MYO3B: variants seen among roughly 807,000 people sequenced by gnomAD.
MYO3B encodes myosin-IIIb.
MYO3B carries 156 observed loss-of-function variants against 174.6 expected under a neutral mutation model. The ratio of observed to expected loss-of-function variants is 0.89; its 90% confidence interval spans 0.78 to 1.02. The LOEUF is 1.02. Among genes scored for constraint, MYO3B ranks in the 50% least tolerant of loss-of-function variants. The pLI is 0.00. For missense variants in MYO3B, 1,632 were observed against 1,639.4 expected, an observed-to-expected ratio of 1.00 and a Z score of 0.08; for synonymous variants, 563 against 569.1, an observed-to-expected ratio of 0.99 and a Z score of 0.15.
intron 1 of MYO3B, among the ~76,000 whole-genome samples, chr2:170,183,728 T>C (rs550144442): frequency 6.6e-6 from 1 of 152,242 alleles, no homozygotes; most frequent in South Asian, 2.1e-4. Flanking sequence ...TTTTATAGTG[T>C]TTGTGAGAGA....
intron 7 of MYO3B, among the ~76,000 whole-genome samples, chr2:170,318,052 G>A (rs945661380): frequency 3.9e-5 from 6 of 152,080 alleles, no homozygotes; most frequent in South Asian, 2.1e-4. Flanking sequence ...TTGTTTTCTC[G>A]TCTGTGAAAT....
intron 8 of MYO3B, among the ~76,000 whole-genome samples, chr2:170,336,985 CA>C (rs1462491344): frequency 1.3e-5 from 2 of 151,254 alleles, no homozygotes; most frequent in African/African-American, 2.4e-5. Flanking sequence ...AGTTGAAGGT[CA>C]GGGGTGGAGG....
chr2:170,451,454 T>A (rs897916421), intron 23 of MYO3B, among the ~76,000 whole-genome samples: 2 of 152,278 alleles, frequency 1.3e-5, no homozygotes, highest in Non-Finnish European at 2.9e-5. Flanking sequence ...TAAAGCATTT[T>A]AACAAACCTA....
At chr2:170,216,370 TAAG>T (rs1429002068) in intron 5 of MYO3B, among the ~76,000 whole-genome samples, 1 of 152,216 alleles carries the variant, frequency 6.6e-6, no homozygotes, top group East Asian at 1.9e-4. Context: ...TATTTGGTCT[TAAG>T]AAGAACCCTC....
At chr2:170,633,923 C>A (rs745456453) in intron 32 of MYO3B, among the ~76,000 whole-genome samples, 1 of 152,230 alleles carries the variant, frequency 6.6e-6, no homozygotes, top group East Asian at 1.9e-4. Flanking sequence ...TGTGAAGGAC[C>A]TCTTCAAGGA....
intron 7 of MYO3B, among the ~76,000 whole-genome samples, chr2:170,254,218 T>A (rs901821790): frequency 6.6e-6 from 1 of 152,034 alleles, no homozygotes; most frequent in Non-Finnish European, 1.5e-5. Flanking sequence ...ATGATCCCTA[T>A]AGACATTTAG....
chr2:170,577,548 C>G (rs1692857722), intron 32 of MYO3B, among the ~76,000 whole-genome samples: 1 of 152,212 alleles, frequency 6.6e-6, no homozygotes, highest in African/African-American at 2.4e-5. Context: ...TACGAATAAA[C>G]TCTAGTAATT....
At chr2:170,299,158 AT>A (rs2093648560) in intron 7 of MYO3B, among the ~76,000 whole-genome samples, 1 of 152,122 alleles carries the variant, frequency 6.6e-6, no homozygotes, top group Admixed American at 6.6e-5. Context: ...ACTATTTTTC[AT>A]TTATCTATTG....
chr2:170,376,325 A>G (rs993562312), intron 9 of MYO3B, among the ~76,000 whole-genome samples: 5 of 152,230 alleles, frequency 3.3e-5, no homozygotes, highest in Non-Finnish European at 7.3e-5. Flanking sequence ...TTATATAGTT[A>G]CGGTAAAATA....
chr2:170,203,880 A>G (rs1207729484), intron 3 of MYO3B, among the ~76,000 whole-genome samples: 1 of 152,166 alleles, frequency 6.6e-6, no homozygotes, highest in East Asian at 1.9e-4. Context: ...AAGAACTTTG[A>G]AATGGAACAG....
chr2:170,328,892 C>T (rs970285979), intron 7 of MYO3B, among the ~76,000 whole-genome samples: 5 of 152,022 alleles, frequency 3.3e-5, no homozygotes, highest in Non-Finnish European at 5.9e-5. Context: ...AGGCCGGGTG[C>T]GGTGGCTCAT....
Position 170,542,919 on chromosome 2 carries a change from C to G in MYO3B, c.3589C>G (p.Gln1197Glu). Reference sequence around the variant, plus strand: ...TTATCTTTTCAGGCATTCACAAGCCCAGAGTTCTCCAAAAGGGTGCGATAT... The same window carrying G: ...TTATCTTTTCAGGCATTCACAAGCCGAGAGTTCTCCAAAAGGGTGCGATAT... ...VTEKNGHSQA[Q>E]SSPKGCDIFA... The change falls in exon 31 of 35, where the codon CAG becomes GAG. Residue 1197 changes from glutamine (Q) to glutamate (E), a missense_variant. Gln to Glu is a conservative substitution (Grantham distance 29). Coordinates refer to ENST00000408978, the MANE Select transcript of MYO3B (RefSeq NM_138995.5). 1 of 1,607,324 alleles carries G rather than the reference C, an allele frequency of 6.2e-7. No homozygotes were observed. Among genetic ancestry groups the G allele is most frequent in the South Asian group, 1.1e-5 (1 of 88,964 alleles).
chr2:170,382,786 GTT>G (rs5836272), intron 10 of MYO3B: 4 of 240,084 alleles, frequency 1.7e-5, no homozygotes, highest in South Asian at 9.5e-5. Flanking sequence ...GTTGAGATGA[GTT>G]TTTTTTTCAC....
chr2:170,284,222 G>A (rs540958498), intron 7 of MYO3B, among the ~76,000 whole-genome samples: 19 of 152,272 alleles, frequency 1.2e-4, no homozygotes, highest in Admixed American at 1.2e-3. Flanking sequence ...GTCCAAATGA[G>A]CACCCTATAT....
intron 16 of MYO3B, 48 bp downstream of exon 16, chr2:170,392,543 A>G: frequency 8.4e-7 from 1 of 1,195,806 alleles, no homozygotes; most frequent in Non-Finnish European, 1.2e-6. Context: ...TTCTTATATG[A>G]ATGTGAGTAA....
intron 7 of MYO3B, among the ~76,000 whole-genome samples, chr2:170,267,430 A>G (rs1318627459): frequency 6.6e-6 from 1 of 152,236 alleles, no homozygotes; most frequent in African/African-American, 2.4e-5. Flanking sequence ...GCAGAAGGAA[A>G]GAGAATTGGT....
intron 24 of MYO3B, among the ~76,000 whole-genome samples, chr2:170,465,072 C>CT (rs1384562302): frequency 5.3e-5 from 8 of 151,870 alleles, no homozygotes; most frequent in Non-Finnish European, 1.2e-4. Flanking sequence ...GAGGCTTCAC[C>CT]ATGTTGGCCA....
chr2:170,434,584 G>A (rs2094737175), intron 22 of MYO3B, among the ~76,000 whole-genome samples: 1 of 152,158 alleles, frequency 6.6e-6, no homozygotes, highest in Non-Finnish European at 1.5e-5. Context: ...TGGGAGTCAG[G>A]GCAGAGAAGG....
rs74582256 is a variant in MYO3B, at chr2:170,509,548, G to T, written c.3371-5373G>T. 9.8e-3 allele frequency among the ~76,000 whole-genome samples: 1,498 copies of T among 152,264 alleles called. 55 individuals are homozygous for T. In the East Asian group the frequency reaches 0.1, roughly 10 times the overall value. On this transcript the variant is annotated intron_variant, in intron 28 of 34. Coordinates refer to ENST00000408978, the MANE Select transcript of MYO3B (RefSeq NM_138995.5). Reference sequence around the variant, plus strand: ...TAGAATACAACAATAACATGTAAGAGATTTCAAGTGGTTTTGTTTTTGTTT... The same window carrying T: ...TAGAATACAACAATAACATGTAAGATATTTCAAGTGGTTTTGTTTTTGTTT...
Sources: gnomAD v4.1 joint callset for allele counts (sites outside exome capture counted in the v4.1 genomes callset) on GRCh38, gnomAD v4.1.1 for gene constraint, MANE v1.5 for transcripts, NCBI Gene and HGNC (gene_info 2026-07-23, HGNC 2026-07-21) for gene names.